SGCD: variants seen among roughly 807,000 people sequenced by gnomAD.
SGCD encodes sarcoglycan delta, also known as delta-sarcoglycan.
SGCD carries 18 observed loss-of-function variants against 36.6 expected under a neutral mutation model. The ratio of observed to expected loss-of-function variants is 0.49; its 90% CI spans 0.34 to 0.73. SGCD has a LOEUF of 0.73. Among genes scored for constraint, SGCD ranks in the 30% least tolerant of loss-of-function variants. SGCD has a pLI of 0.01. For synonymous variants in SGCD, 133 were observed against 130.6 expected, an observed-to-expected ratio of 1.02 and a Z score of -0.12; for missense variants, 387 against 346.7, an observed-to-expected ratio of 1.12 and a Z score of -0.92.
intron 3 of SGCD, among the ~76,000 whole-genome samples, chr5:156,237,982 C>G (rs1417363410): frequency 2.6e-5 from 4 of 151,172 alleles, no homozygotes; most frequent in Non-Finnish European, 4.4e-5. Context: ...GAGTCTCACT[C>G]TGTTGCCCAG....
At chr5:156,354,804 G>A (rs1414076642) in intron 3 of SGCD, among the ~76,000 whole-genome samples, 1 of 152,178 alleles carries the variant, frequency 6.6e-6, no homozygotes, top group African/African-American at 2.4e-5. Context: ...CAAATCCCAA[G>A]GGCTTGCTGC....
At chr5:156,338,582 C>T (rs1464928965) in intron 2 of SGCD, among the ~76,000 whole-genome samples, 1 of 152,052 alleles carries the variant, frequency 6.6e-6, no homozygotes, top group African/African-American at 2.4e-5. Context: ...AAAGATCTGT[C>T]GAAAATGGCA....
chr5:156,150,974 A>G (rs1762819710), intron 3 of SGCD, among the ~76,000 whole-genome samples: 1 of 151,700 alleles, frequency 6.6e-6, no homozygotes, highest in African/African-American at 2.4e-5. Flanking sequence ...AGAGGAAAAT[A>G]TGACTTCAGT....
At chr5:155,965,875 G>T (rs118089877) in intron 1 of SGCD, among the ~76,000 whole-genome samples, 1 of 151,898 alleles carries the variant, frequency 6.6e-6, no homozygotes, top group Non-Finnish European at 1.5e-5. Context: ...TTATTCCTGC[G>T]TTCGTCCCCC....
intron 3 of SGCD, among the ~76,000 whole-genome samples, chr5:156,141,375 G>C (rs1021646264): frequency 6.6e-5 from 10 of 152,216 alleles, no homozygotes; most frequent in Non-Finnish European, 1.2e-4. Flanking sequence ...ACCAAAGTGT[G>C]ATTTCCCAGA....
At chr5:156,547,866 C>G (rs1235991235) in intron 4 of SGCD, among the ~76,000 whole-genome samples, 1 of 152,174 alleles carries the variant, frequency 6.6e-6, no homozygotes, top group Admixed American at 6.5e-5. Flanking sequence ...AATCTGTGGA[C>G]TTAAACTGGC....
At chr5:156,041,362 C>T (rs1759629770) in intron 1 of SGCD, among the ~76,000 whole-genome samples, 1 of 152,118 alleles carries the variant, frequency 6.6e-6, no homozygotes, top group Non-Finnish European at 1.5e-5. Flanking sequence ...CTCATTTGCG[C>T]ATGGAAGAAT....
rs56822746 is a variant in SGCD at position 156,127,854 on chromosome 5, C to CA, written c.-44+3861dup. ...CAGAGAACAGACTGAAACATAAATG[C>CA]AAAAAAAAAAAAAAAAAAAAAAAAA... On this transcript the variant is annotated intron_variant, in intron 3 of 9. Transcript: ENST00000517913. Among the ~76,000 whole-genome samples, 99 of 18,446 alleles carry CA rather than the reference C, an allele frequency of 5.4e-3. 6 individuals carry two copies. Among genetic ancestry groups the CA allele is most frequent in the Admixed American group, 7.3e-3 (8 of 1,100 alleles). The allele number at this position is 18,446 out of a possible 152,430, so 12.1% of individuals were successfully genotyped here.
intron 3 of SGCD, among the ~76,000 whole-genome samples, chr5:156,263,664 C>T (rs1394315215): frequency 6.6e-6 from 1 of 152,074 alleles, no homozygotes; most frequent in Non-Finnish European, 1.5e-5. Flanking sequence ...GAAGTCTTTG[C>T]CTAAGCCAAT....
intron 7 of SGCD, chr5:156,739,568 A>G (rs549200857): frequency 6.3e-4 from 96 of 152,274 alleles, no homozygotes; most frequent in African/African-American, 2.3e-3. Context: ...TACTTGCTGG[A>G]GGATCTGTCA....
At chr5:156,384,970 C>A (rs376318409) in intron 3 of SGCD, among the ~76,000 whole-genome samples, 52 of 152,066 alleles carry the variant, frequency 3.4e-4, no homozygotes. Context: ...TGGCAGGTTG[C>A]GAAAGCACAC....
At chr5:156,579,800 T>A (rs905882240) in intron 4 of SGCD, among the ~76,000 whole-genome samples, 32 of 152,232 alleles carry the variant, frequency 2.1e-4, no homozygotes, top group Non-Finnish European at 2.9e-4. Context: ...TTTGAGCCTA[T>A]GTGTGTCTGT....
At chr5:156,099,249 G>A in intron 1 of SGCD, among the ~76,000 whole-genome samples, 1 of 152,250 alleles carries the variant, frequency 6.6e-6, no homozygotes, top group South Asian at 2.1e-4. Flanking sequence ...GTTGTGCTTG[G>A]CATGGAGAAA....
chr5:156,486,440 A>G lies in SGCD; in HGVS notation c.193-22161A>G, dbSNP rs551536315. Among the ~76,000 whole-genome samples, 17 of 152,244 alleles carry G rather than the reference A, an allele frequency of 1.1e-4. No homozygotes were observed. In the South Asian group the frequency reaches 3.5e-3, roughly 32 times the overall value. On this transcript the variant is annotated intron_variant, in intron 3 of 8. Transcript: ENST00000337851. ...AGTAGCAGAGCTGTTGTGCACCTGTACATGCCTTCAAGGGGTCTTGGGACT... is the reference window on the plus strand; with the variant it reads ...AGTAGCAGAGCTGTTGTGCACCTGTGCATGCCTTCAAGGGGTCTTGGGACT...
intron 1 of SGCD, among the ~76,000 whole-genome samples, chr5:156,019,633 T>A (rs1231645896): frequency 1.3e-5 from 2 of 152,148 alleles, no homozygotes; most frequent in African/African-American, 4.8e-5. Flanking sequence ...AGCATACACA[T>A]TATATCAGAG....
chr5:156,353,762 T>A (rs1769369654), intron 3 of SGCD, among the ~76,000 whole-genome samples: 1 of 152,194 alleles, frequency 6.6e-6, no homozygotes, highest in Admixed American at 6.5e-5. Flanking sequence ...AATGTTGTTT[T>A]TTAAAAGCAC....
At chr5:156,163,306 G>A (rs1480492427) in intron 3 of SGCD, among the ~76,000 whole-genome samples, 2 of 151,574 alleles carry the variant, frequency 1.3e-5, no homozygotes, top group African/African-American at 4.9e-5. Context: ...ACATGTAGGA[G>A]TGAGAGTCAA....
At chr5:156,407,291 TA>T (rs1393875862) in intron 3 of SGCD, among the ~76,000 whole-genome samples, 1 of 152,216 alleles carries the variant, frequency 6.6e-6, no homozygotes, top group Non-Finnish European at 1.5e-5. Context: ...CTGGAACTGT[TA>T]TAATCGCAAC....
rs543243169 is a variant in SGCD at position 156,041,986 on chromosome 5, T to C, written c.-281-75892T>C. ...GTGTCAAGGCAAAGGTATAAAGAGC[T>C]TGATCAAAGTGAGAGCTAGTGACCA... On this transcript the variant is annotated intron_variant, in intron 1 of 9. Transcript: ENST00000517913. Among the ~76,000 whole-genome samples the C allele has an allele frequency of 3.3e-5, 5 of 152,176 alleles. No homozygotes were observed. In the East Asian group the frequency reaches 9.7e-4, roughly 30 times the overall value.
Sources: allele counts gnomAD v4.1 joint callset (sites outside exome capture counted in the v4.1 genomes callset), GRCh38; gene constraint gnomAD v4.1.1; transcripts MANE v1.5; gene names NCBI Gene and HGNC (gene_info 2026-07-23, HGNC 2026-07-21).